DCN: variants seen among roughly 807,000 people sequenced by gnomAD.
DCN encodes bone proteoglycan II.
DCN carries 17 observed loss-of-function variants against 36.5 expected under a neutral mutation model. The observed-to-expected ratio is 0.47, with a 90% CI of 0.32 to 0.70. The LOEUF (loss-of-function observed/expected upper bound fraction) is 0.70. Ranked by LOEUF, DCN falls within the 30% of genes least tolerant of loss-of-function variation. DCN has a pLI of 0.04. For missense variants in DCN, 389 were observed against 430.1 expected (o/e 0.90, Z 0.84); for synonymous variants, 163 against 161.4 (o/e 1.01, Z -0.07).
intron 2 of DCN, among the ~76,000 whole-genome samples, chr12:91,169,435 T>C (rs933884136): frequency 3.0e-5 from 4 of 133,562 alleles, no homozygotes; most frequent in Non-Finnish European, 6.4e-5. Context: ...AAAAAAGCAA[T>C]GTATGTACTT....
chr12:91,172,793 G>A (rs1883051918), intron 2 of DCN: 1 of 699,720 alleles, frequency 1.4e-6, no homozygotes, highest in African/African-American at 1.8e-5. Context: ...TCAGTGATGT[G>A]TAAAGAGTCT....
chr12:91,176,469 A>G (rs1034112418), intron 2 of DCN: 1 of 152,108 alleles, frequency 6.6e-6, no homozygotes, highest in African/African-American at 2.4e-5. Flanking sequence ...TAAAGATCCC[A>G]AGTCAGTGAA....
At chr12:91,149,853 T>C (rs1881290944) in intron 7 of DCN, among the ~76,000 whole-genome samples, 2 of 151,700 alleles carry the variant, frequency 1.3e-5, no homozygotes, top group African/African-American at 2.4e-5. Flanking sequence ...TGAAAAACAA[T>C]GAATGTAGTA....
chr12:91,149,332 T>C (rs1375860424), intron 7 of DCN, among the ~76,000 whole-genome samples: 6 of 152,028 alleles, frequency 3.9e-5, no homozygotes, highest in Admixed American at 6.6e-5. Context: ...ATACACTATA[T>C]CAAAAATATA....
rs1248570796 is a variant in DCN at position 91,161,428 on chromosome 12, T to C, written c.325-2919A>G. ...AGGCAAACTTATCCAAATAAAAGTT[T>C]TAAAAATATTTTAGTAATCTAAATT... On this transcript the variant is annotated intron_variant, in intron 3 of 7. Coordinates refer to ENST00000052754, the MANE Select transcript of DCN (RefSeq NM_001920.5). Among the ~76,000 whole-genome samples, 4 of 152,254 alleles carry C rather than the reference T, an allele frequency of 2.6e-5. No individual in the cohort carries two copies. In the East Asian group the frequency reaches 7.7e-4, roughly 29 times the overall value.
intron 7 of DCN, 37 bp downstream of exon 7, chr12:91,151,617 T>C (rs1276070119): frequency 3.7e-6 from 6 of 1,613,226 alleles, no homozygotes; most frequent in Non-Finnish European, 5.1e-6. Flanking sequence ...GTCTTGCTTT[T>C]TGGATATTCC....
intron 2 of DCN, among the ~76,000 whole-genome samples, chr12:91,174,626 T>C (rs186159254): frequency 6.6e-6 from 1 of 152,116 alleles, no homozygotes; most frequent in Non-Finnish European, 1.5e-5. Context: ...AAATAAGATA[T>C]ATTTCCATTT....
intron 3 of DCN, among the ~76,000 whole-genome samples, chr12:91,160,773 T>A (rs1379369653): frequency 1.3e-5 from 2 of 152,146 alleles, no homozygotes; most frequent in African/African-American, 2.4e-5. Flanking sequence ...ATTAAAAAAA[T>A]TTTCCTTACT....
In DCN at chr12:91,153,149, G is replaced by A; in HGVS notation, c.693C>T (p.Asn231=). ...PSLTELHLDG[N]KISRVDAASL... is the part of the protein sequence containing the mutation. ...TAGCTGCATCAACTCTGCTGATTTT[G>A]TTGCCATCAAGATGTAATTCCGTAA... The change falls in exon 6 of 8, where the codon AAC becomes AAT. Residue 231 remains asparagine, a synonymous_variant. Coordinates refer to ENST00000052754, the MANE Select transcript of DCN (RefSeq NM_001920.5). 1 of 1,610,906 alleles carries A rather than the reference G, an allele frequency of 6.2e-7. No homozygotes were observed. The highest frequency in any genetic ancestry group is 8.5e-7 in the Non-Finnish European group (1 of 1,177,212).
intron 7 of DCN, among the ~76,000 whole-genome samples, chr12:91,149,082 C>A (rs982132191): frequency 2.6e-5 from 4 of 151,678 alleles, no homozygotes; most frequent in African/African-American, 9.7e-5. Context: ...AAGTAGATTC[C>A]AAACTCATTC....
intron 2 of DCN, among the ~76,000 whole-genome samples, 165 bp from the exon 3 acceptor site, chr12:91,164,882 G>C (rs910657346): frequency 6.6e-6 from 1 of 151,964 alleles, no homozygotes; most frequent in Non-Finnish European, 1.5e-5. Context: ...TAAAATTTTT[G>C]CTTTATCTTT....
intron 6 of DCN, among the ~76,000 whole-genome samples, chr12:91,152,296 C>T (rs761414688): frequency 1.4e-5 from 2 of 143,166 alleles, no homozygotes; most frequent in Non-Finnish European, 2.9e-5. Flanking sequence ...TACACACACA[C>T]ATGCATATAT....
rs1880815462 is a variant in DCN, at chr12:91,143,373, A to G, written c.*2685T>C. 6.6e-6 allele frequency: 1 copy of G among 152,212 alleles called. No individual in the cohort carries two copies. The highest frequency in any genetic ancestry group is 2.4e-5 in the African/African-American group (1 of 41,456). The allele number at this position is 152,212 out of a possible 1,614,324, so 9.4% of individuals were successfully genotyped here. ...GGAGACAAAAGACAGACATGGTACAATAGGAAACGAGAGGACTCTCTGCTG... is the reference window on the plus strand; with the variant it reads ...GGAGACAAAAGACAGACATGGTACAGTAGGAAACGAGAGGACTCTCTGCTG... On this transcript the variant is annotated 3_prime_UTR_variant, in exon 8 of 8. Transcript: ENST00000052754.
At position 91,144,155 on chromosome 12, in the gene DCN, T is replaced by C. The variant is rs951807134; in HGVS notation, c.*1903A>G. 3.9e-5 allele frequency: 6 copies of C among 152,248 alleles called. No homozygotes were observed. The highest frequency in any genetic ancestry group is 2.1e-4 in the South Asian group (1 of 4,826). The allele number at this position is 152,248 out of a possible 1,614,324, so 9.4% of individuals were successfully genotyped here. ...ATAAAGGGTATATCATTCAAGGCTA[T>C]AACATGGAGTGTGCATCATTGAAGG... On this transcript the variant is annotated 3_prime_UTR_variant, in exon 8 of 8. Coordinates refer to ENST00000052754, the MANE Select transcript of DCN (RefSeq NM_001920.5).
rs1311871554 is a variant in DCN, at chr12:91,142,914, G to A, written c.*3144C>T. The A allele has an allele frequency of 6.6e-6, 1 of 152,132 alleles. No individual in the cohort carries two copies. The highest frequency in any genetic ancestry group is 1.5e-5 in the Non-Finnish European group (1 of 68,014). The allele number at this position is 152,132 out of a possible 1,614,324, so 9.4% of individuals were successfully genotyped here. ...AGTTGTGTCTCCTCCCAGAAGATAT[G>A]TTCAATATCAAACCCCCAATACCTG... On this transcript the variant is annotated 3_prime_UTR_variant, in exon 8 of 8. Coordinates refer to ENST00000052754, the MANE Select transcript of DCN (RefSeq NM_001920.5).
chr12:91,156,596 A>G (rs1451972228), intron 5 of DCN, among the ~76,000 whole-genome samples: 2 of 150,730 alleles, frequency 1.3e-5, no homozygotes, highest in African/African-American at 4.8e-5. Flanking sequence ...TCATTCAGAT[A>G]TTAATAACTG....
At chr12:91,162,252 T>A (rs1882208681) in intron 3 of DCN, among the ~76,000 whole-genome samples, 1 of 152,202 alleles carries the variant, frequency 6.6e-6, no homozygotes, top group Non-Finnish European at 1.5e-5. Flanking sequence ...CTGCATTTTT[T>A]AAAATGGTTC....
intron 7 of DCN, among the ~76,000 whole-genome samples, chr12:91,149,804 A>G (rs1427178623): frequency 6.6e-6 from 1 of 152,180 alleles, no homozygotes; most frequent in Non-Finnish European, 1.5e-5. Flanking sequence ...GCAGCAAACA[A>G]ATAAAAAAAT....
At position 91,158,518 on chromosome 12, in the gene DCN, A is replaced by T; in HGVS notation, c.325-9T>A. On this transcript the variant is annotated splice_polypyrimidine_tract_variant and intron_variant, in intron 3 of 7. Coordinates refer to ENST00000052754, the MANE Select transcript of DCN (RefSeq NM_001920.5). ...TTGACAAGAATCAATGCCTGTAGATAGTGAAGAAAAACATCTCTTTAAATC... is the reference window on the plus strand; with the variant it reads ...TTGACAAGAATCAATGCCTGTAGATTGTGAAGAAAAACATCTCTTTAAATC... 4.9e-6 allele frequency: 7 copies of T among 1,427,238 alleles called. No homozygotes were observed. The highest frequency in any genetic ancestry group is 6.9e-6 in the Non-Finnish European group (7 of 1,009,728). The allele number at this position is 1,427,238 out of a possible 1,614,324, so 88.4% of individuals were successfully genotyped here. A position where few individuals can be genotyped will look rare whatever the true frequency, so the allele number is the denominator to read the frequency against.
Sources: gnomAD v4.1 joint callset for allele counts (sites outside exome capture counted in the v4.1 genomes callset) on GRCh38, gnomAD v4.1.1 for gene constraint, MANE v1.5 for transcripts, NCBI Gene and HGNC (gene_info 2026-07-23, HGNC 2026-07-21) for gene names.